Variants in DLG2 observed in about 807,000 individuals in gnomAD.
The protein encoded by DLG2 is discs large MAGUK scaffold protein 2.
Under a neutral mutation model 132.5 loss-of-function variants are expected in DLG2, and 45 were observed. The observed-to-expected ratio is 0.34, with a 90% confidence interval of 0.27 to 0.44. The LOEUF (loss-of-function observed/expected upper bound fraction) is 0.44, where lower values mean the gene tolerates loss of function less well. DLG2 is among the 20% of genes least tolerant of loss of function. DLG2 has a pLI of 1.00. For synonymous variants in DLG2, 424 were observed against 419.6 expected, an observed-to-expected ratio of 1.01 and a Z score of -0.13; for missense variants, 1,045 against 1,196.9, an observed-to-expected ratio of 0.87 and a Z score of 1.87.
At chr11:84,232,602 T>C (rs1567008337) in intron 8 of DLG2, among the ~76,000 whole-genome samples, 1 of 152,242 alleles carries the variant, frequency 6.6e-6, no homozygotes, top group East Asian at 1.9e-4. Context: ...TAGAAGAAGA[T>C]GAAGGAAAGA....
At chr11:84,788,032 G>T (rs1310803110) in intron 6 of DLG2, among the ~76,000 whole-genome samples, 1 of 139,538 alleles carries the variant, frequency 7.2e-6, no homozygotes, top group Non-Finnish European at 1.5e-5. Flanking sequence ...AACCAGGGAG[G>T]TAGAGGTTGA....
rs148118934 is a variant in DLG2, at chr11:84,413,330, T to C, written c.519+121240A>G. On this transcript the variant is annotated intron_variant, in intron 7 of 27. Coordinates refer to ENST00000376104, the MANE Select transcript of DLG2 (RefSeq NM_001142699.3). ...GTCAAATGAACTACTAGTTTAGAAGTGGTATTTCAATTGGGTTTTAAGAAA... is the reference window on the plus strand; with the variant it reads ...GTCAAATGAACTACTAGTTTAGAAGCGGTATTTCAATTGGGTTTTAAGAAA... Among the ~76,000 whole-genome samples, 432 of 152,284 alleles carry C rather than the reference T, an allele frequency of 2.8e-3. 1 individual carries two copies. The highest frequency in any genetic ancestry group is 0.01 in the African/African-American group (421 of 41,558).
At chr11:85,061,163 C>T (rs1403858293) in intron 6 of DLG2, among the ~76,000 whole-genome samples, 1 of 151,768 alleles carries the variant, frequency 6.6e-6, no homozygotes, top group Non-Finnish European at 1.5e-5. Flanking sequence ...GATATTTTCT[C>T]CCATTCCATA....
chr11:84,498,806 T>C (rs2099193353), intron 7 of DLG2, among the ~76,000 whole-genome samples: 1 of 152,182 alleles, frequency 6.6e-6, no homozygotes, highest in Non-Finnish European at 1.5e-5. Flanking sequence ...CTTTACAATA[T>C]CAAAAAACTT....
intron 7 of DLG2, among the ~76,000 whole-genome samples, chr11:84,390,597 A>G (rs1163680750): frequency 1.3e-5 from 2 of 152,176 alleles, no homozygotes; most frequent in East Asian, 3.9e-4. Flanking sequence ...CCTGAGCAGC[A>G]TCTATGGAAT....
intron 3 of DLG2, among the ~76,000 whole-genome samples, chr11:85,465,711 G>A (rs1306409997): frequency 5.9e-5 from 9 of 152,162 alleles, no homozygotes; most frequent in Non-Finnish European, 2.9e-5. Flanking sequence ...ATCATTGATG[G>A]ACATTTGGGT....
intron 6 of DLG2, among the ~76,000 whole-genome samples, chr11:84,844,770 A>G (rs896691230): frequency 6.6e-6 from 1 of 152,126 alleles, no homozygotes; most frequent in Non-Finnish European, 1.5e-5. Context: ...ATGACATAAA[A>G]TTGTGCATTT....
At chr11:83,947,843 GCTTCTGA>G (rs893121302) in intron 14 of DLG2, among the ~76,000 whole-genome samples, 1 of 152,002 alleles carries the variant, frequency 6.6e-6, no homozygotes, top group African/African-American at 2.4e-5. Context: ...CTGGCTTCTG[GCTTCTGA>G]GTTTGTCACT....
intron 3 of DLG2, among the ~76,000 whole-genome samples, chr11:85,509,680 A>G (rs1272936711): frequency 6.6e-6 from 1 of 152,110 alleles, no homozygotes; most frequent in Admixed American, 6.6e-5. Flanking sequence ...ACAAATATTT[A>G]CTGCATACCT....
intron 15 of DLG2, among the ~76,000 whole-genome samples, chr11:83,926,613 T>A (rs771997444): frequency 1.2e-4 from 19 of 152,128 alleles, no homozygotes; most frequent in Non-Finnish European, 1.9e-4. Context: ...AATATCTTTT[T>A]TAGGGCAAAA....
At chr11:84,625,459 A>G (rs1403883753) in intron 6 of DLG2, among the ~76,000 whole-genome samples, 1 of 152,184 alleles carries the variant, frequency 6.6e-6, no homozygotes, top group African/African-American at 2.4e-5. Flanking sequence ...AGGTTACTCT[A>G]TATGTGTCAC....
intron 4 of DLG2, among the ~76,000 whole-genome samples, chr11:85,213,831 T>C (rs2082402686): frequency 6.6e-6 from 1 of 152,080 alleles, no homozygotes; most frequent in Non-Finnish European, 1.5e-5. Flanking sequence ...CTTAGAATTG[T>C]ATTGGTTTAC....
intron 7 of DLG2, among the ~76,000 whole-genome samples, chr11:84,444,987 G>C (rs1312094530): frequency 6.6e-6 from 1 of 152,000 alleles, no homozygotes; most frequent in Non-Finnish European, 1.5e-5. Context: ...ATTTTTAGTA[G>C]AGACAGGGTT....
chr11:83,852,853 C>T (rs979568162), intron 16 of DLG2, among the ~76,000 whole-genome samples: 1 of 152,188 alleles, frequency 6.6e-6, no homozygotes, highest in Non-Finnish European at 1.5e-5. Flanking sequence ...CCCATCCTTG[C>T]TTTCTCAATT....
At chr11:84,530,992 T>A (rs1353728969) in intron 7 of DLG2, among the ~76,000 whole-genome samples, 1 of 152,082 alleles carries the variant, frequency 6.6e-6, no homozygotes, top group African/African-American at 2.4e-5. Context: ...TCAGGAGATC[T>A]GTAGTCCCAG....
chr11:84,720,915 C>T (rs1255192214), intron 6 of DLG2: 1 of 149,588 alleles, frequency 6.7e-6, no homozygotes, highest in East Asian at 2.0e-4. Flanking sequence ...AATCCAGAGT[C>T]ACTGTGGGGA....
At position 84,314,433 on chromosome 11, in the gene DLG2, T is replaced by G. The variant is rs997554446; in HGVS notation, c.520-63142A>C. The stretch of plus-strand genomic sequence containing the variant: ...CATATAGGTACACACATGCTCTTAT[T>G]TTTGTGATAATATACGTAAGTGTAT... On this transcript the variant is annotated intron_variant, in intron 7 of 27. Transcript: ENST00000376104. 7.2e-5 allele frequency among the ~76,000 whole-genome samples: 11 copies of G among 152,302 alleles called. No homozygotes were observed. In the East Asian group the frequency reaches 2.1e-3, roughly 29 times the overall value.
rs11234275 is a variant in DLG2 at position 85,056,394 on chromosome 11, T to A, written c.357+55267A>T. ...AAATTCAGAATTCAATAGGGGAATT[T>A]AAAAATGAATATGTTTCAGCAGAAG... On this transcript the variant is annotated intron_variant, in intron 6 of 27. Transcript: ENST00000376104. Among the ~76,000 whole-genome samples, 535 of 152,116 alleles carry A rather than the reference T, an allele frequency of 3.5e-3. 23 individuals are homozygous for A. In the East Asian group the frequency reaches 0.09, roughly 26 times the overall value.
chr11:84,323,720 C>CTTTTTTTTTTTTTTTTTTTTTTTTTTT (rs35283044), intron 7 of DLG2, among the ~76,000 whole-genome samples: 1 of 123,788 alleles, frequency 8.1e-6, no homozygotes, highest in Non-Finnish European at 1.7e-5. Context: ...TTCTTTTTTC[C>CTTTTTTTTTTTTTTTTTTTTTTTTTTT]TTTTTTTTTT....
Sources: allele counts gnomAD v4.1 joint callset (sites outside exome capture counted in the v4.1 genomes callset), GRCh38; gene constraint gnomAD v4.1.1; transcripts MANE v1.5; gene names NCBI Gene and HGNC (gene_info 2026-07-23, HGNC 2026-07-21).